CNTN4: variants seen among roughly 807,000 people sequenced by gnomAD.
CNTN4 encodes the protein contactin 4.
In CNTN4, 77 loss-of-function variants were observed where a neutral mutation model predicts 122.5. The observed-to-expected ratio is 0.63, with a 90% CI of 0.52 to 0.76. The LOEUF (loss-of-function observed/expected upper bound fraction) is 0.76, where lower values mean the gene tolerates loss of function less well. Among genes scored for constraint, CNTN4 ranks in the 30% least tolerant of loss-of-function variants. The pLI is 0.00. For missense variants in CNTN4, 1,256 were observed against 1,259.1 expected, an observed-to-expected ratio of 1.00 and a Z score of 0.04; for synonymous variants, 512 against 447.0, an observed-to-expected ratio of 1.15 and a Z score of -1.83.
intron 3 of CNTN4, among the ~76,000 whole-genome samples, chr3:2,483,212 T>C (rs1163809794): frequency 6.6e-6 from 1 of 152,188 alleles, no homozygotes; most frequent in African/African-American, 2.4e-5. Context: ...TTTTGGAGCT[T>C]TAAGGTTTAC....
Position 2,823,469 on chromosome 3 carries a change from T to C in CNTN4, c.454+3888T>C, listed in dbSNP as rs573980947. 2.6e-4 allele frequency among the ~76,000 whole-genome samples: 39 copies of C among 152,358 alleles called. No individual in the cohort carries two copies. In the East Asian group the frequency reaches 7.1e-3, roughly 28 times the overall value. On this transcript the variant is annotated intron_variant, in intron 7 of 24. Transcript: ENST00000418658. ...ATCACTATGTGTGGCCTCTTTGTCATCTCTTGGTTTATATGTATGAATTCA... is the reference window on the plus strand; with the variant it reads ...ATCACTATGTGTGGCCTCTTTGTCACCTCTTGGTTTATATGTATGAATTCA...
intron 2 of CNTN4, among the ~76,000 whole-genome samples, chr3:2,230,336 A>G (rs2039437784): frequency 6.6e-6 from 1 of 152,234 alleles, no homozygotes; most frequent in Non-Finnish European, 1.5e-5. Context: ...TGATTTTCCC[A>G]GCAATACGGT....
intron 2 of CNTN4, among the ~76,000 whole-genome samples, chr3:2,294,191 G>T (rs1289937823): frequency 6.6e-6 from 1 of 151,960 alleles, no homozygotes; most frequent in Non-Finnish European, 1.5e-5. Context: ...TATTCCTAGT[G>T]TAAATCATAA....
intron 4 of CNTN4, among the ~76,000 whole-genome samples, chr3:2,602,777 A>C (rs1241267293): frequency 6.6e-6 from 1 of 152,208 alleles, no homozygotes; most frequent in Admixed American, 6.5e-5. Context: ...ATATGGTAAT[A>C]ATACATGAAG....
intron 2 of CNTN4, among the ~76,000 whole-genome samples, chr3:2,304,129 A>C (rs2042621726): frequency 6.6e-6 from 1 of 152,190 alleles, no homozygotes; most frequent in Non-Finnish European, 1.5e-5. Context: ...TGGTGAAATT[A>C]CTTGTTCATT....
At chr3:2,106,351 A>C in intron 2 of CNTN4, among the ~76,000 whole-genome samples, 1 of 152,200 alleles carries the variant, frequency 6.6e-6, no homozygotes, top group African/African-American at 2.4e-5. Flanking sequence ...GAGGTTCTTC[A>C]TGAGGGCTCT....
chr3:2,275,331 C>T lies in CNTN4; in HGVS notation c.-144-63847C>T, dbSNP rs192946998. On this transcript the variant is annotated intron_variant, in intron 2 of 24. Transcript: ENST00000418658. ...AAATTCCAATACCACATGGAGAATA[C>T]GTGATTTATGTGCTAATTGGATCAT... Among the ~76,000 whole-genome samples, 407 of 152,248 alleles carry T rather than the reference C, an allele frequency of 2.7e-3. 1 individual carries two copies. The highest frequency in any genetic ancestry group is 9.0e-3 in the African/African-American group (374 of 41,544).
intron 14 of CNTN4, among the ~76,000 whole-genome samples, chr3:2,996,879 C>T (rs1695585890): frequency 6.6e-6 from 1 of 152,172 alleles, no homozygotes; most frequent in Non-Finnish European, 1.5e-5. Context: ...AGATCTCTCA[C>T]CTAGCTCTGC....
At chr3:2,665,623 T>A (rs1267221356) in intron 4 of CNTN4, among the ~76,000 whole-genome samples, 1 of 152,172 alleles carries the variant, frequency 6.6e-6, no homozygotes, top group Non-Finnish European at 1.5e-5. Context: ...TGTTTTTGTT[T>A]GTGATAGCAA....
intron 2 of CNTN4, among the ~76,000 whole-genome samples, chr3:2,222,312 A>G (rs1157138282): frequency 6.6e-6 from 1 of 152,162 alleles, no homozygotes; most frequent in African/African-American, 2.4e-5. Context: ...ATATTATATG[A>G]TACTGTTTAT....
At chr3:2,151,597 A>T (rs1162057426) in intron 2 of CNTN4, among the ~76,000 whole-genome samples, 1 of 152,078 alleles carries the variant, frequency 6.6e-6, no homozygotes, top group Non-Finnish European at 1.5e-5. Context: ...TTTAATCCCC[A>T]GTGTAGCAGA....
intron 4 of CNTN4, among the ~76,000 whole-genome samples, chr3:2,575,391 A>C (rs1304268608): frequency 6.6e-6 from 1 of 151,850 alleles, no homozygotes; most frequent in African/African-American, 2.4e-5. Flanking sequence ...CACGTCTATA[A>C]TGTCAGCTGC....
At chr3:3,047,825 C>T (rs1048142319) in intron 23 of CNTN4, among the ~76,000 whole-genome samples, 8 of 151,196 alleles carry the variant, frequency 5.3e-5, no homozygotes, top group Non-Finnish European at 1.2e-4. Flanking sequence ...TTCAAAAAAT[C>T]AGTGAATCCA....
At chr3:2,741,165 A>T (rs2089437234) in intron 5 of CNTN4, among the ~76,000 whole-genome samples, 1 of 152,190 alleles carries the variant, frequency 6.6e-6, no homozygotes, top group Non-Finnish European at 1.5e-5. Flanking sequence ...AGATTAATCA[A>T]CTCTACAACA....
In CNTN4 at chr3:2,702,967, T is replaced by C. The variant is rs1345491801; in HGVS notation, c.56-33248T>C. On this transcript the variant is annotated intron_variant, in intron 4 of 24. Transcript: ENST00000418658. Reference sequence around the variant, plus strand: ...GTTATCTTGGTTAGAGTGTCCTTTCTTGATATTCTCAGGAATGTGTTCTTC... The same window carrying C: ...GTTATCTTGGTTAGAGTGTCCTTTCCTGATATTCTCAGGAATGTGTTCTTC... Among the ~76,000 whole-genome samples, 5 of 152,224 alleles carry C rather than the reference T, an allele frequency of 3.3e-5. No homozygotes were observed. In the East Asian group the frequency reaches 9.6e-4, roughly 29 times the overall value.
At chr3:2,204,141 C>T (rs979306373) in intron 2 of CNTN4, among the ~76,000 whole-genome samples, 2 of 152,040 alleles carry the variant, frequency 1.3e-5, no homozygotes, top group African/African-American at 2.4e-5. Context: ...TATATTCCAT[C>T]AGGAGTCATG....
chr3:2,104,156 C>A (rs191547198), intron 2 of CNTN4, among the ~76,000 whole-genome samples: 125 of 152,012 alleles, frequency 8.2e-4, no homozygotes, highest in Non-Finnish European at 1.4e-3. Context: ...AGCCTCACAT[C>A]CTGAGAATTT....
intron 13 of CNTN4, among the ~76,000 whole-genome samples, chr3:2,935,333 T>C (rs2094558432): frequency 6.6e-6 from 1 of 152,204 alleles, no homozygotes; most frequent in Admixed American, 6.5e-5. Flanking sequence ...AAGGTAACAT[T>C]TGATTTTCAA....
At chr3:2,574,253 C>T (rs2079560601) in intron 4 of CNTN4, among the ~76,000 whole-genome samples, 1 of 152,016 alleles carries the variant, frequency 6.6e-6, no homozygotes, top group African/African-American at 2.4e-5. Flanking sequence ...CAAAAAACTG[C>T]TCATTCTTTT....
Sources: gnomAD v4.1 joint callset for allele counts (sites outside exome capture counted in the v4.1 genomes callset) on GRCh38, gnomAD v4.1.1 for gene constraint, MANE v1.5 for transcripts, NCBI Gene and HGNC (gene_info 2026-07-23, HGNC 2026-07-21) for gene names.